ARGLU1: variants seen among roughly 807,000 people sequenced by gnomAD.
The protein encoded by ARGLU1 is arginine and glutamate-rich protein 1.
ARGLU1 carries 9 observed loss-of-function variants against 37.6 expected under a neutral mutation model. The ratio of observed to expected loss-of-function variants is 0.24; its 90% CI spans 0.14 to 0.42. The LOEUF is 0.42. ARGLU1 is among the 10% of genes least tolerant of loss of function. The pLI is 1.00. For synonymous variants in ARGLU1, 166 were observed against 138.5 expected (o/e 1.20, Z -1.39); for missense variants, 211 against 359.2 (o/e 0.59, Z 3.34).
chr13:106,567,854 CTTG>C lies in ARGLU1; in HGVS notation c.63_65del (p.Asn21del), dbSNP rs779153915. On this transcript the variant is annotated inframe_deletion, in exon 1 of 4. Transcript: ENST00000400198. This position sits in a 1 kb window ranked among gnomAD's most constrained non-coding sequence, Gnocchi z 4.3. ...ATCGCGACCGGGACCGGCTGCGCTT[CTTG>C]TTGTGCTTGCTGCTCTTGGTGTGCT... 5 of 1,613,308 alleles carry C rather than the reference CTTG, an allele frequency of 3.1e-6. No homozygotes were observed. The highest frequency in any genetic ancestry group is 2.7e-5 in the African/African-American group (2 of 75,024).
intron 3 of ARGLU1, among the ~76,000 whole-genome samples, chr13:106,552,312 A>G (rs117704224): frequency 2.0e-5 from 3 of 152,214 alleles, no homozygotes. Flanking sequence ...TATAACTTGC[A>G]TATACTTTAA....
rs1259104310 is a variant in ARGLU1 at position 106,559,624 on chromosome 13, C to T, written c.381G>A (p.Glu127=). Residue 127 remains glutamate, a synonymous_variant, in exon 2 of 4, where the codon GAG becomes GAA. Coordinates refer to ENST00000400198, the MANE Select transcript of ARGLU1 (RefSeq NM_018011.4). The part of the protein sequence containing the change: ...RQQEIEEKLI[E]EETARRVEEL... ...CTTCTACTCTTCGTGCTGTTTCTTC[C>T]TCGATGAGTTTTTCTTCTATTTCTT... 3.1e-6 allele frequency: 5 copies of T among 1,613,730 alleles called. No homozygotes were observed. In the South Asian group the frequency reaches 5.5e-5, roughly 18 times the overall value.
intron 1 of ARGLU1, among the ~76,000 whole-genome samples, chr13:106,561,432 C>T (rs1488426239): frequency 7.6e-5 from 10 of 130,800 alleles, no homozygotes; most frequent in African/African-American, 2.9e-4. Context: ...TGTACACACA[C>T]ACACACACAC....
At position 106,568,108 on chromosome 13, in the gene ARGLU1, A is replaced by G. The variant is rs1237377705; in HGVS notation, c.-189T>C. 1.1e-6 allele frequency: 1 copy of G among 872,458 alleles called. No individual in the cohort carries two copies. Among genetic ancestry groups the G allele is most frequent in the East Asian group, 3.2e-5 (1 of 31,662 alleles). The allele number at this position is 872,458 out of a possible 1,614,324, so 54.0% of individuals were successfully genotyped here. A position where few individuals can be genotyped will look rare whatever the true frequency, so the allele number is the denominator to read the frequency against. ...AGGCCGCCTCCAACGAGAAACCCGT[A>G]GCGCCAGGCGCCCCTAAGATGGCAG... On this transcript the variant is annotated 5_prime_UTR_variant, in exon 1 of 4. Transcript: ENST00000400198.
At chr13:106,560,067 G>A (rs1880757239) in intron 1 of ARGLU1, among the ~76,000 whole-genome samples, 1 of 152,212 alleles carries the variant, frequency 6.6e-6, no homozygotes, top group Admixed American at 6.5e-5. Context: ...GAGAAATTAT[G>A]TAGCAGGCAA....
chr13:106,561,079 GAGAA>G (rs1880787477), intron 1 of ARGLU1, among the ~76,000 whole-genome samples: 1 of 152,132 alleles, frequency 6.6e-6, no homozygotes, highest in African/African-American at 2.4e-5. Context: ...GTAGGTACTA[GAGAA>G]AGAATATTTT....
At chr13:106,550,398 T>A (rs972871980) in intron 3 of ARGLU1, among the ~76,000 whole-genome samples, 1 of 152,158 alleles carries the variant, frequency 6.6e-6, no homozygotes, top group Non-Finnish European at 1.5e-5. Context: ...TAACATAAGG[T>A]CTTCAACCAG....
chr13:106,549,852 A>G (rs1390557993), intron 3 of ARGLU1, among the ~76,000 whole-genome samples: 2 of 152,244 alleles, frequency 1.3e-5, no homozygotes, highest in Non-Finnish European at 2.9e-5. Flanking sequence ...TGAGCTTTGT[A>G]TGCAATATTA....
At chr13:106,548,022 C>T (rs75026240) in intron 3 of ARGLU1, among the ~76,000 whole-genome samples, 3,350 of 152,222 alleles carry the variant, frequency 0.022, 69 homozygotes, top group African/African-American at 0.051. Context: ...TCCGGGACTA[C>T]GGCTCAACAA....
intron 2 of ARGLU1, chr13:106,558,414 A>C: frequency 1.0e-6 from 1 of 985,448 alleles, no homozygotes; most frequent in Non-Finnish European, 1.2e-6. Context: ...TAATGCCAAG[A>C]TGAAAAATGA....
At chr13:106,553,509 A>G (rs1880585524) in intron 3 of ARGLU1, among the ~76,000 whole-genome samples, 1 of 152,154 alleles carries the variant, frequency 6.6e-6, no homozygotes, top group South Asian at 2.1e-4. Context: ...TTTACTGTTA[A>G]TTGTCTTTGG....
chr13:106,545,467 A>G (rs985164776), intron 3 of ARGLU1, among the ~76,000 whole-genome samples: 1 of 152,284 alleles, frequency 6.6e-6, no homozygotes, highest in South Asian at 2.1e-4. Flanking sequence ...TTATTCAAAT[A>G]AATTCTTCTG....
chr13:106,557,560 G>C lies in ARGLU1; in HGVS notation c.574-429C>G, dbSNP rs1418703396. On this transcript the variant is annotated intron_variant, in intron 2 of 3. Transcript: ENST00000400198. This position sits in a 1 kb window ranked among gnomAD's most constrained non-coding sequence, Gnocchi z 5.0. ...CAGCATTAAAAGTTGAATATTTACTGTCTTGTCCAGTGTCCTGCAGAGTGT... is the reference window on the plus strand; with the variant it reads ...CAGCATTAAAAGTTGAATATTTACTCTCTTGTCCAGTGTCCTGCAGAGTGT... The C allele has an allele frequency of 6.2e-7, 1 of 1,605,998 alleles. No individual in the cohort carries two copies. Among genetic ancestry groups the C allele is most frequent in the Admixed American group, 1.7e-5 (1 of 59,238 alleles).
Position 106,543,442 on chromosome 13 carries a change from T to C in ARGLU1, c.*554A>G, listed in dbSNP as rs1880310455. ...TGAACAGAGACAATACTGAACTGTA[T>C]ATATACTTTGTATCAGAGTTGACCA... is the stretch of plus-strand genomic sequence containing the variant. On this transcript the variant is annotated 3_prime_UTR_variant, in exon 4 of 4. Transcript: ENST00000400198. 6.6e-6 allele frequency: 1 copy of C among 152,630 alleles called. No individual in the cohort carries two copies. Among genetic ancestry groups the C allele is most frequent in the Non-Finnish European group, 1.5e-5 (1 of 68,078 alleles). 9.5% of individuals were successfully genotyped at this position (152,630 alleles called of 1,614,324 possible).
Position 106,542,785 on chromosome 13 carries a change from T to C in ARGLU1, c.*1211A>G, listed in dbSNP as rs1880293777. 1 of 150,130 alleles carries C rather than the reference T, an allele frequency of 6.7e-6. No homozygotes were observed. Among genetic ancestry groups the C allele is most frequent in the Admixed American group, 6.6e-5 (1 of 15,038 alleles). The allele number at this position is 150,130 out of a possible 1,614,324, so 9.3% of individuals were successfully genotyped here. A position where few individuals can be genotyped will look rare whatever the true frequency, so the allele number is the denominator to read the frequency against. On this transcript the variant is annotated 3_prime_UTR_variant, in exon 4 of 4. Transcript: ENST00000400198. ...TGTTAAGAGTAAATGAGGCAGATTC[T>C]AGTGTATAAAATGAAAGCCATTCAT...
At position 106,557,583 on chromosome 13, in the gene ARGLU1, T is replaced by C; in HGVS notation, c.574-452A>G. The C allele has an allele frequency of 1.2e-6, 2 of 1,608,062 alleles. No homozygotes were observed. Among genetic ancestry groups the C allele is most frequent in the Non-Finnish European group, 1.7e-6 (2 of 1,177,734 alleles). On this transcript the variant is annotated intron_variant, in intron 2 of 3. Coordinates refer to ENST00000400198, the MANE Select transcript of ARGLU1 (RefSeq NM_018011.4). The surrounding 1 kb of genome is among the most constrained non-coding windows in gnomAD (Gnocchi z 5.0). ...CTGTCTTGTCCAGTGTCCTGCAGAG[T>C]GTGCTCCTCGGCTGCCATACGCGCC... is the stretch of plus-strand genomic sequence containing the variant.
At position 106,541,940 on chromosome 13, in the gene ARGLU1, C is replaced by T. The variant is rs994177424; in HGVS notation, c.*2056G>A. The T allele has an allele frequency of 6.6e-6, 1 of 152,078 alleles. No individual in the cohort carries two copies. The highest frequency in any genetic ancestry group is 6.5e-5 in the Admixed American group (1 of 15,268). The allele number at this position is 152,078 out of a possible 1,614,324, so 9.4% of individuals were successfully genotyped here. On this transcript the variant is annotated 3_prime_UTR_variant, in exon 4 of 4. Coordinates refer to ENST00000400198, the MANE Select transcript of ARGLU1 (RefSeq NM_018011.4). ...AACAAATTACTACATTGTTGCAGCACATTAAAGACTGGATGGTGTATATTA... is the reference window on the plus strand; with the variant it reads ...AACAAATTACTACATTGTTGCAGCATATTAAAGACTGGATGGTGTATATTA...
intron 1 of ARGLU1, chr13:106,561,694 G>C (rs1880806508): frequency 6.6e-6 from 1 of 152,160 alleles, no homozygotes. Flanking sequence ...ATTTGGTGAA[G>C]GCAGAAGAGA....
intron 3 of ARGLU1, among the ~76,000 whole-genome samples, chr13:106,552,904 C>T (rs1426157701): frequency 1.3e-5 from 2 of 152,028 alleles, no homozygotes; most frequent in African/African-American, 2.4e-5. Context: ...TATCTTGGTA[C>T]ACAATGTGGA....
Sources: gnomAD v4.1 joint callset for allele counts (sites outside exome capture counted in the v4.1 genomes callset) on GRCh38, gnomAD v4.1.1 for gene constraint, Gnocchi (gnomAD v3.1) non-coding constraint, MANE v1.5 for transcripts, NCBI Gene and HGNC (gene_info 2026-07-23, HGNC 2026-07-21) for gene names.